PCDHGB2: variants seen among roughly 807,000 people sequenced by gnomAD.
PCDHGB2 encodes the protein protocadherin gamma subfamily B, 2.
Under a neutral mutation model 59.3 loss-of-function variants are expected in PCDHGB2, and 55 were observed. The observed-to-expected ratio is 0.93, with a 90% CI of 0.75 to 1.16. The LOEUF (loss-of-function observed/expected upper bound fraction) is 1.16. PCDHGB2 is among the 50% of genes most tolerant of loss of function. PCDHGB2 has a pLI of 0.00. For synonymous variants in PCDHGB2, 516 were observed against 512.0 expected (o/e 1.01, Z -0.11); for missense variants, 1,228 against 1,198.5 (o/e 1.02, Z -0.36).
At position 141,489,380 on chromosome 5, in the gene PCDHGB2, A is replaced by G. The variant is rs753226956; in HGVS notation, c.2422-5427A>G. ...TCTGAGCCGGGGACGCTGGTGGGGA[A>G]TGTTGCTCAGGATCTGGGCTTAAAG... is the stretch of plus-strand genomic sequence containing the variant. On this transcript the variant is annotated intron_variant, in intron 1 of 3. Transcript: ENST00000522605. The surrounding 1 kb of genome is among the most constrained non-coding windows in gnomAD (Gnocchi z 4.5). The G allele has an allele frequency of 1.9e-6, 3 of 1,613,874 alleles. No individual in the cohort carries two copies. Among genetic ancestry groups the G allele is most frequent in the Admixed American group, 1.7e-5 (1 of 60,026 alleles).
chr5:141,364,317 G>A (rs1467973358), intron 1 of PCDHGB2: 2 of 1,524,768 alleles, frequency 1.3e-6, no homozygotes, highest in Non-Finnish European at 8.8e-7. Context: ...AGAAAATTGG[G>A]CAGAGAGAAG....
In PCDHGB2 at chr5:141,485,234, T is replaced by A. The variant is rs780126313; in HGVS notation, c.2422-9573T>A. 1 of 1,614,124 alleles carries A rather than the reference T, an allele frequency of 6.2e-7. No homozygotes were observed. The highest frequency in any genetic ancestry group is 1.1e-5 in the South Asian group (1 of 91,080). On this transcript the variant is annotated intron_variant, in intron 1 of 3. Transcript: ENST00000522605. This position sits in a 1 kb window ranked among gnomAD's most constrained non-coding sequence, Gnocchi z 5.7. ...GCGGTGGGCTACCCTTTTGTTCCTC[T>A]TTTACCACCTGGGTTACGTTTGTGG...
intron 1 of PCDHGB2, chr5:141,410,614 G>A: frequency 6.2e-7 from 1 of 1,604,858 alleles, no homozygotes; most frequent in South Asian, 1.1e-5. Flanking sequence ...CTGAGACTCT[G>A]ACTTCGGTGA....
At position 141,485,800 on chromosome 5, in the gene PCDHGB2, C is replaced by T. The variant is rs1231777430; in HGVS notation, c.2422-9007C>T. On this transcript the variant is annotated intron_variant, in intron 1 of 3. Coordinates refer to ENST00000522605, the MANE Select transcript of PCDHGB2 (RefSeq NM_018923.3). This position sits in a 1 kb window ranked among gnomAD's most constrained non-coding sequence, Gnocchi z 5.7. The stretch of plus-strand genomic sequence containing the variant: ...ATCGAGAGAAGCAATCGGACTACCG[C>T]CTGGTGCTGACTGCTGTCGATGGAG... 1 of 1,614,228 alleles carries T rather than the reference C, an allele frequency of 6.2e-7. No homozygotes were observed. Among genetic ancestry groups the T allele is most frequent in the East Asian group, 2.2e-5 (1 of 44,878 alleles).
Position 141,476,104 on chromosome 5 carries a change from G to A in PCDHGB2, c.2422-18703G>A. 6.3e-7 allele frequency: 1 copy of A among 1,584,700 alleles called. No homozygotes were observed. Among genetic ancestry groups the A allele is most frequent in the Non-Finnish European group, 8.6e-7 (1 of 1,168,500 alleles). On this transcript the variant is annotated intron_variant, in intron 1 of 3. Coordinates refer to ENST00000522605, the MANE Select transcript of PCDHGB2 (RefSeq NM_018923.3). The surrounding 1 kb of genome is among the most constrained non-coding windows in gnomAD (Gnocchi z 7.6). ...GATCTGGACCCCGCTGAGAGGAACTGCTTTTGAGTGAGATGGTCCCAGAGG... is the reference window on the plus strand; with the variant it reads ...GATCTGGACCCCGCTGAGAGGAACTACTTTTGAGTGAGATGGTCCCAGAGG...
chr5:141,456,746 T>C (rs548254725), intron 1 of PCDHGB2, among the ~76,000 whole-genome samples: 51 of 151,874 alleles, frequency 3.4e-4, no homozygotes, highest in African/African-American at 1.0e-3. Context: ...GGGAGCATCA[T>C]GAGGTCAGGA....
chr5:141,502,577 A>G (rs1260539435), intron 2 of PCDHGB2, among the ~76,000 whole-genome samples: 2 of 152,192 alleles, frequency 1.3e-5, no homozygotes, highest in African/African-American at 4.8e-5. Context: ...TTATAAAAAT[A>G]TATTTTTATA....
rs758132181 is a variant in PCDHGB2, at chr5:141,486,827, C to T, written c.2422-7980C>T. On this transcript the variant is annotated intron_variant, in intron 1 of 3. Coordinates refer to ENST00000522605, the MANE Select transcript of PCDHGB2 (RefSeq NM_018923.3). This position sits in a 1 kb window ranked among gnomAD's most constrained non-coding sequence, Gnocchi z 5.0. The stretch of plus-strand genomic sequence containing the variant: ...ACCCCTTAGCAGCACTGTAACAGTT[C>T]GTCTATTTGTGCTGGACCTCAATGA... 10 of 1,614,110 alleles carry T rather than the reference C, an allele frequency of 6.2e-6. No individual in the cohort carries two copies. The African/African-American group carries it at 8.0e-5, about 13-fold the overall frequency.
Position 141,398,041 on chromosome 5 carries a change from G to T in PCDHGB2, c.2421+35485G>T, listed in dbSNP as rs114009258. On this transcript the variant is annotated intron_variant, in intron 1 of 3. Coordinates refer to ENST00000522605, the MANE Select transcript of PCDHGB2 (RefSeq NM_018923.3). ...TAAACTGGAACTGGAACTAAAGCCC[G>T]TTCGGAGATCCAAAAATCTACAATA... 1,416 of 1,492,890 alleles carry T rather than the reference G, an allele frequency of 9.5e-4. 9 individuals are homozygous for T. The African/African-American group carries it at 0.016, about 16-fold the overall frequency. 92.5% of individuals were successfully genotyped at this position (1,492,890 alleles called of 1,614,324 possible).
In PCDHGB2 at chr5:141,399,219, G is replaced by A. The variant is rs775267424; in HGVS notation, c.2421+36663G>A. The A allele has an allele frequency of 2.5e-6, 4 of 1,613,924 alleles. No homozygotes were observed. The South Asian group carries it at 3.3e-5, about 13-fold the overall frequency. On this transcript the variant is annotated intron_variant, in intron 1 of 3. Coordinates refer to ENST00000522605, the MANE Select transcript of PCDHGB2 (RefSeq NM_018923.3). Reference sequence around the variant, plus strand: ...CGGTGCCTGGAACACTAATTGCTTTGATCAAAATACATGACCAAGATTCTG... The same window carrying A: ...CGGTGCCTGGAACACTAATTGCTTTAATCAAAATACATGACCAAGATTCTG...
intron 1 of PCDHGB2, chr5:141,365,501 C>T (rs1377875429): frequency 6.2e-7 from 1 of 1,613,806 alleles, no homozygotes; most frequent in African/African-American, 1.3e-5. Flanking sequence ...TAGGAATTTG[C>T]CTTTTAAATT....
intron 1 of PCDHGB2, chr5:141,423,638 A>G (rs771989468): frequency 2.5e-6 from 4 of 1,598,292 alleles, no homozygotes; most frequent in Non-Finnish European, 3.4e-6. Context: ...ATTTTAGGCA[A>G]ATGTGACCCG....
rs764389909 is a variant in PCDHGB2, at chr5:141,491,064, ACTGTTG to A, written c.2422-3741_2422-3736del. On this transcript the variant is annotated intron_variant, in intron 1 of 3. Transcript: ENST00000522605. The surrounding 1 kb of genome is among the most constrained non-coding windows in gnomAD (Gnocchi z 6.9). ...GCCACAATGCGTGGCTCTCCTACTCACTGTTGCCACAGTCCACAGCCCCAGGACTGT... is the reference window on the plus strand; with the variant it reads ...GCCACAATGCGTGGCTCTCCTACTCACCACAGTCCACAGCCCCAGGACTGT... 1.2e-6 allele frequency: 2 copies of A among 1,613,962 alleles called. No homozygotes were observed. Among genetic ancestry groups the A allele is most frequent in the Admixed American group, 3.3e-5 (2 of 60,010 alleles).
intron 1 of PCDHGB2, chr5:141,375,404 A>T: frequency 1.2e-6 from 2 of 1,613,912 alleles, no homozygotes; most frequent in South Asian, 1.1e-5. Flanking sequence ...CATCTCTCTA[A>T]ATGTGGCAGA....
chr5:141,424,408 T>G (rs942542788), intron 1 of PCDHGB2: 1 of 152,224 alleles, frequency 6.6e-6, no homozygotes, highest in Non-Finnish European at 1.5e-5. Flanking sequence ...TATGGTGAAG[T>G]TACATTGACT....
intron 1 of PCDHGB2, among the ~76,000 whole-genome samples, chr5:141,465,409 A>G (rs1037916815): frequency 3.3e-5 from 5 of 152,188 alleles, no homozygotes; most frequent in African/African-American, 4.8e-5. Flanking sequence ...AAGAAGCCAA[A>G]TCAGCACTGA....
intron 1 of PCDHGB2, chr5:141,400,146 C>A (rs1444566578): frequency 6.2e-7 from 1 of 1,614,080 alleles, no homozygotes; most frequent in South Asian, 1.1e-5. Flanking sequence ...ATATCACTGA[C>A]CGCCCTGTAC....
At chr5:141,423,294 C>T (rs1222440954) in intron 1 of PCDHGB2, 22 of 1,614,036 alleles carry the variant, frequency 1.4e-5, no homozygotes, top group Admixed American at 1.3e-4. Flanking sequence ...AAACCTCAGA[C>T]CTCTCGCTGT....
chr5:141,376,188 G>A (rs1772391716), intron 1 of PCDHGB2: 2 of 1,614,124 alleles, frequency 1.2e-6, no homozygotes, highest in South Asian at 2.2e-5. Context: ...GCGGTCTCCT[G>A]CGTCTTCCTG....
Sources: gnomAD v4.1 joint callset for allele counts (sites outside exome capture counted in the v4.1 genomes callset) on GRCh38, gnomAD v4.1.1 for gene constraint, Gnocchi (gnomAD v3.1) non-coding constraint, MANE v1.5 for transcripts, NCBI Gene and HGNC (gene_info 2026-07-23, HGNC 2026-07-21) for gene names.